Variants in SBF1 observed in about 807,000 individuals in gnomAD.
SBF1 encodes the protein SET binding factor 1, also known as myotubularin-related protein 5.
Under a neutral mutation model 215.8 loss-of-function variants are expected in SBF1, and 65 were observed. The observed-to-expected ratio is 0.30, with a 90% confidence interval of 0.25 to 0.37. The LOEUF (loss-of-function observed/expected upper bound fraction) is 0.37, where lower values mean the gene tolerates loss of function less well. Among genes scored for constraint, SBF1 ranks in the 10% least tolerant of loss-of-function variants. The pLI is 1.00. For missense variants in SBF1, 2,634 were observed against 2,667.8 expected, an observed-to-expected ratio of 0.99 and a Z score of 0.28; for synonymous variants, 1,410 against 1,122.8, an observed-to-expected ratio of 1.26 and a Z score of -5.11.
At chr22:50,448,925 C>T (rs1021669282) in intron 36 of SBF1, among the ~76,000 whole-genome samples, 1 of 152,256 alleles carries the variant, frequency 6.6e-6, no homozygotes, top group Non-Finnish European at 1.5e-5. Flanking sequence ...ACACACACCC[C>T]GGCCAGGCGT....
chr22:50,461,081 G>C, intron 23 of SBF1, 78 bp downstream of exon 23: 1 of 1,504,466 alleles, frequency 6.6e-7, no homozygotes, highest in African/African-American at 1.4e-5. Context: ...CCTAAAAATG[G>C]TTCATACAAG....
chr22:50,468,671 C>T (rs1448945220), intron 1 of SBF1, among the ~76,000 whole-genome samples: 1 of 152,076 alleles, frequency 6.6e-6, no homozygotes, highest in African/African-American at 2.4e-5. Context: ...CCTGCCGCTA[C>T]ACCCCATTCT....
At chr22:50,465,724 T>C (rs2067721115) in intron 10 of SBF1, 39 bp downstream of exon 10, 2 of 1,553,508 alleles carry the variant, frequency 1.3e-6, no homozygotes, top group Non-Finnish European at 1.7e-6. Flanking sequence ...GCAGCCTAAG[T>C]GCCTGGGGTC....
chr22:50,463,200 C>T, intron 16 of SBF1, 83 bp downstream of exon 16: 1 of 1,551,530 alleles, frequency 6.4e-7, no homozygotes, highest in Non-Finnish European at 8.8e-7. Flanking sequence ...CGTCTCTCCA[C>T]TCTCACTCAC....
chr22:50,459,159 G>C lies in SBF1; in HGVS notation c.3826+96C>G, dbSNP rs896299999. 2.7e-6 allele frequency: 4 copies of C among 1,474,524 alleles called. No homozygotes were observed. In the African/African-American group the frequency reaches 5.6e-5, roughly 21 times the overall value. 91.3% of individuals were successfully genotyped at this position (1,474,524 alleles called of 1,614,324 possible). ...CACCCAAACATCCATGACCAGCGCC[G>C]TTTCTGCTCCTCCCTGGCCTGCCTG... On this transcript the variant is annotated intron_variant, in intron 28 of 40. Transcript: ENST00000380817.
chr22:50,472,164 C>G (rs1470457049), intron 1 of SBF1, among the ~76,000 whole-genome samples: 1 of 152,170 alleles, frequency 6.6e-6, no homozygotes, highest in African/African-American at 2.4e-5. Flanking sequence ...CCAGCGCTGG[C>G]CACCATCACT....
chr22:50,473,220 T>G (rs1259059902), intron 1 of SBF1, among the ~76,000 whole-genome samples: 1 of 152,088 alleles, frequency 6.6e-6, no homozygotes, highest in African/African-American at 2.4e-5. Flanking sequence ...CTCAGGATCA[T>G]CAGGGTCATT....
At chr22:50,467,176 T>C (rs1010589030) in intron 5 of SBF1, 162 bp downstream of exon 5, 11 of 625,674 alleles carry the variant, frequency 1.8e-5, no homozygotes, top group Non-Finnish European at 3.1e-5. Context: ...GAGGGCCAGG[T>C]AAGCAGGCCA....
chr22:50,467,965 G>A, intron 2 of SBF1, 42 bp from the exon 3 acceptor site: 1 of 1,606,480 alleles, frequency 6.2e-7, no homozygotes, highest in Non-Finnish European at 8.5e-7. Flanking sequence ...CCCTACACCT[G>A]TGGCAGGAAC....
intron 36 of SBF1, among the ~76,000 whole-genome samples, chr22:50,451,164 T>C (rs2067029824): frequency 3.9e-5 from 1 of 25,730 alleles, no homozygotes; most frequent in African/African-American, 2.2e-4. Flanking sequence ...ACCCCATCTC[T>C]ACAAAAAAAA....
In SBF1 at chr22:50,461,631, C is replaced by G; in HGVS notation, c.2731G>C (p.Glu911Gln). The G allele has an allele frequency of 6.2e-7, 1 of 1,611,522 alleles. No individual in the cohort carries two copies. Among genetic ancestry groups the G allele is most frequent in the Non-Finnish European group, 8.5e-7 (1 of 1,179,794 alleles). ...CCCCCAGCACTGCCCCCCGCGCCCT[C>G]CTCACGCCCATCCGGCAGCAGGTAG... ...RVYLLPDGRE[E>Q]GAGGSAGGPA... The change falls in exon 22 of 41, where the codon GAG becomes CAG. Residue 911 changes from glutamate (E) to glutamine (Q), a missense_variant. Glu to Gln is a conservative substitution (Grantham distance 29). Coordinates refer to ENST00000380817, the MANE Select transcript of SBF1 (RefSeq NM_002972.4).
chr22:50,469,869 T>C (rs1359208165), intron 1 of SBF1, among the ~76,000 whole-genome samples: 1 of 151,882 alleles, frequency 6.6e-6, no homozygotes, highest in Non-Finnish European at 1.5e-5. Flanking sequence ...GGGGAGACCA[T>C]CTGCCCTCCA....
At chr22:50,459,213 C>CA (rs756732558) in intron 28 of SBF1, 42 bp downstream of exon 28, 1 of 1,570,194 alleles carries the variant, frequency 6.4e-7, no homozygotes, top group African/African-American at 1.4e-5. Context: ...CACGGCCCCC[C>CA]AAAGTGCCCC....
chr22:50,449,944 A>G (rs2066984190), intron 36 of SBF1, among the ~76,000 whole-genome samples: 1 of 152,204 alleles, frequency 6.6e-6, no homozygotes, highest in South Asian at 2.1e-4. Context: ...ACATGGGACC[A>G]CATAAGATGG....
chr22:50,448,615 G>A lies in SBF1; in HGVS notation c.5079C>T (p.Pro1693=), dbSNP rs550066296. ...CCCAGGTGTCCTTCCAGCGCTCAGC[G>A]GGTTGGCCCAACTCTGTCTCCAGCC... The part of the protein sequence containing the change: ...LQRLETELGQ[P]AERWKDTWDR... Residue 1693 remains proline (P), a synonymous_variant, in exon 37 of 41, where the codon CCC becomes CCT. Coordinates refer to ENST00000380817, the MANE Select transcript of SBF1 (RefSeq NM_002972.4). 2.7e-5 allele frequency: 44 copies of A among 1,611,754 alleles called. No homozygotes were observed. Among genetic ancestry groups the A allele is most frequent in the Admixed American group, 1.7e-4 (10 of 60,020 alleles).
In SBF1 at chr22:50,462,311, T is replaced by C. The variant is rs1170715437; in HGVS notation, c.2290A>G (p.Met764Val). 2 of 1,613,874 alleles carry C rather than the reference T, an allele frequency of 1.2e-6. No individual in the cohort carries two copies. Among genetic ancestry groups the C allele is most frequent in the East Asian group, 2.2e-5 (1 of 44,898 alleles). ...TCCAGGGGCAGGAGGAGGTAGCTCATGCGGTTGGCATAGTGGATGGCCTGG... is the reference window on the plus strand; with the variant it reads ...TCCAGGGGCAGGAGGAGGTAGCTCACGCGGTTGGCATAGTGGATGGCCTGG... The part of the protein sequence containing the change: ...FSQAIHYANR[M>V]SYLLLPLDSS... Residue 764 changes from methionine (M) to valine (V), a missense_variant, in exon 19 of 41, where the codon ATG becomes GTG. Coordinates refer to ENST00000380817, the MANE Select transcript of SBF1 (RefSeq NM_002972.4).
intron 28 of SBF1, among the ~76,000 whole-genome samples, chr22:50,457,769 G>A (rs1190260542): frequency 6.6e-6 from 1 of 152,220 alleles, no homozygotes; most frequent in Non-Finnish European, 1.5e-5. Context: ...GGTCCACAGA[G>A]GGTCTCTGGG....
intron 10 of SBF1, 34 bp from the exon 11 acceptor site, chr22:50,465,362 T>G: frequency 6.6e-7 from 1 of 1,524,132 alleles, no homozygotes; most frequent in Non-Finnish European, 8.9e-7. Context: ...TGAGAGCCAG[T>G]CCTGCCAATC....
chr22:50,458,390 G>A (rs997494427), intron 28 of SBF1, among the ~76,000 whole-genome samples: 1 of 151,974 alleles, frequency 6.6e-6, no homozygotes, highest in African/African-American at 2.4e-5. Context: ...GCATTGCTGG[G>A]CACTGAGGGG....
Sources: allele counts gnomAD v4.1 joint callset (sites outside exome capture counted in the v4.1 genomes callset), GRCh38; gene constraint gnomAD v4.1.1; transcripts MANE v1.5; gene names NCBI Gene and HGNC (gene_info 2026-07-23, HGNC 2026-07-21).